Variants in SEC63 observed in about 807,000 individuals in gnomAD.
The protein encoded by SEC63 is translocation protein SEC63 homolog.
Under a neutral mutation model 116.2 loss-of-function variants are expected in SEC63, and 56 were observed. The observed-to-expected ratio is 0.48, with a 90% CI of 0.39 to 0.60. The LOEUF is 0.60. Ranked by LOEUF, SEC63 falls within the 20% of genes least tolerant of loss-of-function variation. The pLI, the probability that SEC63 is intolerant of heterozygous loss-of-function variation, is 0.00. For synonymous variants in SEC63, 273 were observed against 294.6 expected (o/e 0.93, Z 0.75); for missense variants, 668 against 900.0 (o/e 0.74, Z 3.30).
chr6:107,923,265 C>T (rs1044102885), intron 3 of SEC63, among the ~76,000 whole-genome samples: 20 of 152,092 alleles, frequency 1.3e-4, no homozygotes, highest in African/African-American at 4.8e-4. Flanking sequence ...GGGTGTGTCA[C>T]CACGTTCAGC....
intron 4 of SEC63, among the ~76,000 whole-genome samples, chr6:107,918,518 C>T (rs1011175357): frequency 6.6e-6 from 1 of 151,824 alleles, no homozygotes; most frequent in African/African-American, 2.4e-5. Context: ...AACATAAAAC[C>T]CTGTCTCTAC....
chr6:107,908,834 A>C (rs1439252809), intron 8 of SEC63, 93 bp downstream of exon 8: 5 of 721,056 alleles, frequency 6.9e-6, no homozygotes, highest in Non-Finnish European at 1.2e-5. Context: ...GTACAATAGA[A>C]TCTCAACAGT....
At chr6:107,896,745 G>A (rs902931783) in intron 14 of SEC63, among the ~76,000 whole-genome samples, 4 of 151,914 alleles carry the variant, frequency 2.6e-5, no homozygotes, top group Non-Finnish European at 2.9e-5. Context: ...TTGGGAGGCC[G>A]AGGCAGGTGG....
At chr6:107,894,299 A>C (rs1451916045) in intron 14 of SEC63, among the ~76,000 whole-genome samples, 1 of 152,230 alleles carries the variant, frequency 6.6e-6, no homozygotes, top group Non-Finnish European at 1.5e-5. Flanking sequence ...ACAACAACAA[A>C]AAAACCCTTG....
At chr6:107,956,983 C>T (rs1049816765) in intron 1 of SEC63, among the ~76,000 whole-genome samples, 15 of 152,160 alleles carry the variant, frequency 9.9e-5, no homozygotes, top group Non-Finnish European at 2.1e-4. Context: ...CCATAAATAA[C>T]CCATTAGGCC....
At chr6:107,919,227 C>T (rs997393786) in intron 4 of SEC63, among the ~76,000 whole-genome samples, 2 of 152,082 alleles carry the variant, frequency 1.3e-5, no homozygotes, top group African/African-American at 2.4e-5. Context: ...TGATTTCAAC[C>T]TTCATGGATG....
chr6:107,938,555 ACTT>A (rs1187829210), intron 1 of SEC63, among the ~76,000 whole-genome samples: 1 of 147,176 alleles, frequency 6.8e-6, no homozygotes, highest in South Asian at 2.1e-4. Context: ...CCAGTAAGTC[ACTT>A]CTTTTTTCTT....
At chr6:107,924,708 T>G in intron 3 of SEC63, 110 bp downstream of exon 3, 1 of 670,240 alleles carries the variant, frequency 1.5e-6, no homozygotes, top group East Asian at 2.7e-5. Flanking sequence ...ATAAACAAAC[T>G]GACCAAAGTC....
chr6:107,952,546 T>C (rs2114521442), intron 1 of SEC63, among the ~76,000 whole-genome samples: 1 of 151,794 alleles, frequency 6.6e-6, no homozygotes, highest in Non-Finnish European at 1.5e-5. Context: ...TCCCTTGAGG[T>C]CAGGAGTTGG....
At chr6:107,879,451 T>C (rs1786358778) in intron 18 of SEC63, among the ~76,000 whole-genome samples, 1 of 152,210 alleles carries the variant, frequency 6.6e-6, no homozygotes, top group Admixed American at 6.5e-5. Flanking sequence ...CTCAGCCTCC[T>C]GAGTGGTGGG....
chr6:107,933,853 TGCGATTGCAGGCGCG>T (rs1206436266), intron 1 of SEC63, among the ~76,000 whole-genome samples: 1 of 152,188 alleles, frequency 6.6e-6, no homozygotes, highest in Non-Finnish European at 1.5e-5. Context: ...GCCGAGTGCC[TGCGATTGCAGGCGCG>T]CGCCGCCACG....
chr6:107,946,501 G>A (rs577255420), intron 1 of SEC63, among the ~76,000 whole-genome samples: 119 of 152,052 alleles, frequency 7.8e-4, no homozygotes, highest in Non-Finnish European at 1.4e-3. Flanking sequence ...CACCACACCC[G>A]GCCAACATAA....
chr6:107,925,389 C>G (rs1787651894), intron 2 of SEC63, among the ~76,000 whole-genome samples: 1 of 152,076 alleles, frequency 6.6e-6, no homozygotes, highest in South Asian at 2.1e-4. Context: ...ACTTTGGAAA[C>G]AACCTAAATT....
In SEC63 at chr6:107,930,069, C is replaced by CACATACACTAAAACCGGAGCAGG. The variant is rs1216319502; in HGVS notation, c.125-578_125-556dup. 3 of 154,210 alleles carry CACATACACTAAAACCGGAGCAGG rather than the reference C, an allele frequency of 1.9e-5. No homozygotes were observed. In the Admixed American group the frequency reaches 1.9e-4, roughly 10 times the overall value. 9.6% of individuals were successfully genotyped at this position (154,210 alleles called of 1,614,324 possible). A position where few individuals can be genotyped will look rare whatever the true frequency, so the allele number is the denominator to read the frequency against. On this transcript the variant is annotated intron_variant, in intron 1 of 20. Transcript: ENST00000369002. Reference sequence around the variant, plus strand: ...AAAGGTAGAGTGCTTGCTTCAGCAGCACATACACTAAAACCGGAGCAGGAC... The same window carrying CACATACACTAAAACCGGAGCAGG: ...AAAGGTAGAGTGCTTGCTTCAGCAGCACATACACTAAAACCGGAGCAGGACATACACTAAAACCGGAGCAGGAC...
Position 107,900,165 on chromosome 6 carries a change from T to TG in SEC63, c.1357+1204_1357+1205insC, listed in dbSNP as rs563195388. On this transcript the variant is annotated intron_variant, in intron 13 of 20. Transcript: ENST00000369002. ...CATATGTTATCTTGGTGTGTGTGTG[T>TG]TTTTTTTTTAATTTTATAAAGACAG... Among the ~76,000 whole-genome samples, 12 of 149,814 alleles carry TG rather than the reference T, an allele frequency of 8.0e-5. No individual in the cohort carries two copies. The East Asian group carries it at 1.8e-3, about 22-fold the overall frequency.
intron 1 of SEC63, among the ~76,000 whole-genome samples, chr6:107,934,020 G>T (rs989329589): frequency 1.3e-5 from 2 of 152,242 alleles, no homozygotes; most frequent in African/African-American, 4.8e-5. Context: ...GGTTCACTCA[G>T]TGCTCAATGG....
intron 11 of SEC63, among the ~76,000 whole-genome samples, chr6:107,903,741 CA>C (rs1204248208): frequency 6.6e-6 from 1 of 152,120 alleles, no homozygotes. Flanking sequence ...ACTTTTATAT[CA>C]GTTAAAGATT....
chr6:107,909,223 CA>C, intron 7 of SEC63, 188 bp from the exon 8 acceptor site: 2 of 493,666 alleles, frequency 4.1e-6, no homozygotes, highest in Non-Finnish European at 7.3e-6. Context: ...AAGAAAAATG[CA>C]AACATTAGCT....
rs1451505825 is a variant in SEC63 at position 107,868,941 on chromosome 6, G to C, written c.*2763C>G. On this transcript the variant is annotated 3_prime_UTR_variant, in exon 21 of 21. Transcript: ENST00000369002. Reference sequence around the variant, plus strand: ...ACACTCTAGTATATGGTTTGGATTGGCTGAAGCAAACTGAACAAAACTTGT... The same window carrying C: ...ACACTCTAGTATATGGTTTGGATTGCCTGAAGCAAACTGAACAAAACTTGT... 1 of 152,154 alleles carries C rather than the reference G, an allele frequency of 6.6e-6. No homozygotes were observed. The highest frequency in any genetic ancestry group is 1.9e-4 in the East Asian group (1 of 5,196). 9.4% of individuals were successfully genotyped at this position (152,154 alleles called of 1,614,324 possible). A position where few individuals can be genotyped will look rare whatever the true frequency, so the allele number is the denominator to read the frequency against.
Sources: allele counts gnomAD v4.1 joint callset (sites outside exome capture counted in the v4.1 genomes callset), GRCh38; gene constraint gnomAD v4.1.1; transcripts MANE v1.5; gene names NCBI Gene and HGNC (gene_info 2026-07-23, HGNC 2026-07-21).